Variants in ANGPT1 observed in about 807,000 individuals in gnomAD.
ANGPT1 encodes angiopoietin 1, also known as angiopoietin-1.
In ANGPT1, 17 loss-of-function variants were observed where a neutral mutation model predicts 62.2. The observed-to-expected ratio is 0.27, with a 90% CI of 0.19 to 0.41. The LOEUF (loss-of-function observed/expected upper bound fraction) is 0.41, where lower values mean the gene tolerates loss of function less well. Among genes scored for constraint, ANGPT1 ranks in the 10% least tolerant of loss-of-function variants. The pLI, the probability that ANGPT1 is intolerant of heterozygous loss-of-function variation, is 1.00. For missense variants in ANGPT1, 478 were observed against 594.9 expected (o/e 0.80, Z 2.04); for synonymous variants, 199 against 198.9 (o/e 1.00, Z 0.00).
intron 1 of ANGPT1, among the ~76,000 whole-genome samples, chr8:107,374,240 A>T (rs946032488): frequency 1.3e-5 from 2 of 152,214 alleles, no homozygotes; most frequent in Non-Finnish European, 2.9e-5. Flanking sequence ...GGAGACCAGA[A>T]GAGCCAACTG....
chr8:107,278,101 G>C (rs1410450973), intron 7 of ANGPT1, among the ~76,000 whole-genome samples: 1 of 150,122 alleles, frequency 6.7e-6, no homozygotes, highest in African/African-American at 2.5e-5. Flanking sequence ...TTAAAGACAG[G>C]GTCATGTTTT....
chr8:107,369,361 G>T (rs1242579932), intron 1 of ANGPT1, among the ~76,000 whole-genome samples: 1 of 152,186 alleles, frequency 6.6e-6, no homozygotes, highest in Non-Finnish European at 1.5e-5. Context: ...TTAAGGTAAT[G>T]TCGTGGCTGG....
chr8:107,354,799 A>C (rs1816006343), intron 1 of ANGPT1, among the ~76,000 whole-genome samples: 1 of 152,058 alleles, frequency 6.6e-6, no homozygotes, highest in South Asian at 2.1e-4. Flanking sequence ...TCTGTCTTTA[A>C]TTTTTATCAC....
At chr8:107,265,201 C>A (rs1813584584) in intron 7 of ANGPT1, among the ~76,000 whole-genome samples, 1 of 152,050 alleles carries the variant, frequency 6.6e-6, no homozygotes, top group South Asian at 2.1e-4. Flanking sequence ...TATAACAAAT[C>A]ATCTGATCTT....
In ANGPT1 at chr8:107,423,827, CTTTTTTTTTTTTTTTTTTT is replaced by C. The variant is rs869079818; in HGVS notation, c.297+73416_297+73434del. On this transcript the variant is annotated intron_variant, in intron 1 of 8. Coordinates refer to ENST00000517746, the MANE Select transcript of ANGPT1 (RefSeq NM_001146.5). ...TTCAGGTACCTTTTCCTTTTCCTTT[CTTTTTTTTTTTTTTTTTTT>C]TTTTTTTTTTCTGAGACAGAGTCTT... is the stretch of plus-strand genomic sequence containing the variant. 1.5e-4 allele frequency among the ~76,000 whole-genome samples: 11 copies of C among 74,472 alleles called. No individual in the cohort carries two copies. In the East Asian group the frequency reaches 3.7e-3, roughly 25 times the overall value. 48.9% of individuals were successfully genotyped at this position (74,472 alleles called of 152,430 possible).
chr8:107,370,594 T>G (rs1347397133), intron 1 of ANGPT1, among the ~76,000 whole-genome samples: 1 of 148,692 alleles, frequency 6.7e-6, no homozygotes, highest in Non-Finnish European at 1.5e-5. Flanking sequence ...TCCCAGCTAC[T>G]CAGGAGGCTG....
At chr8:107,445,112 A>C (rs1424657927) in intron 1 of ANGPT1, among the ~76,000 whole-genome samples, 1 of 152,176 alleles carries the variant, frequency 6.6e-6, no homozygotes, top group Non-Finnish European at 1.5e-5. Flanking sequence ...CTCTCTGCAC[A>C]TGCTGCCTAT....
At chr8:107,312,836 G>A (rs41420946) in intron 4 of ANGPT1, among the ~76,000 whole-genome samples, 21,850 of 152,006 alleles carry the variant, frequency 0.14, 1,960 homozygotes, top group Non-Finnish European at 0.19. Context: ...GAGATGTCAT[G>A]ATTCCTGCTC....
chr8:107,322,746 T>C, intron 3 of ANGPT1: 1 of 334,182 alleles, frequency 3.0e-6, no homozygotes, highest in Non-Finnish European at 5.8e-6. Flanking sequence ...AAAATATTTT[T>C]AATCATTTTA....
chr8:107,445,390 G>A (rs1321624654), intron 1 of ANGPT1, among the ~76,000 whole-genome samples: 1 of 152,142 alleles, frequency 6.6e-6, no homozygotes, highest in Non-Finnish European at 1.5e-5. Context: ...TTGTCCCTTG[G>A]AAATGCTCCT....
At chr8:107,389,763 A>G (rs1282371460) in intron 1 of ANGPT1, among the ~76,000 whole-genome samples, 2 of 152,160 alleles carry the variant, frequency 1.3e-5, no homozygotes. Context: ...AGGGACATAT[A>G]TATGTATAGC....
chr8:107,363,154 T>A (rs1370551662), intron 1 of ANGPT1, among the ~76,000 whole-genome samples: 1 of 151,388 alleles, frequency 6.6e-6, no homozygotes, highest in African/African-American at 2.4e-5. Flanking sequence ...TTCTGTGAGA[T>A]AAATATTTCT....
chr8:107,370,403 A>AGGAAG (rs142911224), intron 1 of ANGPT1, among the ~76,000 whole-genome samples: 2 of 46,602 alleles, frequency 4.3e-5, no homozygotes, highest in East Asian at 6.4e-4. Context: ...AAAGAAAGAA[A>AGGAAG]GAAAGAGTCA....
rs1816143531 is a variant in ANGPT1, at chr8:107,360,691, T to TG, written c.298-13595dup. Among the ~76,000 whole-genome samples, 4 of 152,168 alleles carry TG rather than the reference T, an allele frequency of 2.6e-5. No homozygotes were observed. In the South Asian group the frequency reaches 8.3e-4, roughly 32 times the overall value. On this transcript the variant is annotated intron_variant, in intron 1 of 8. Transcript: ENST00000517746. ...TTAAGGTCAGTTGCCCAGATCCTAA[T>TG]GGCATTTGAGTTGCCATCATTAAGC...
rs561594371 is a variant in ANGPT1, at chr8:107,254,051, G to T, written c.1337-2036C>A. On this transcript the variant is annotated intron_variant, in intron 8 of 8. Coordinates refer to ENST00000517746, the MANE Select transcript of ANGPT1 (RefSeq NM_001146.5). The stretch of plus-strand genomic sequence containing the variant: ...ATCCTAAAAACAATGGAAAGCCATG[G>T]TTTGTATATTGGCCCATCTCCTGTA... Among the ~76,000 whole-genome samples the T allele has an allele frequency of 7.2e-5, 11 of 152,266 alleles. No homozygotes were observed. In the South Asian group the frequency reaches 2.3e-3, roughly 32 times the overall value.
intron 1 of ANGPT1, among the ~76,000 whole-genome samples, chr8:107,456,293 A>G (rs1375203761): frequency 6.6e-6 from 1 of 152,080 alleles, no homozygotes; most frequent in East Asian, 1.9e-4. Flanking sequence ...TCTTTTCTGT[A>G]GCAACAACAT....
chr8:107,442,252 A>G (rs1384524566), intron 1 of ANGPT1, among the ~76,000 whole-genome samples: 2 of 152,232 alleles, frequency 1.3e-5, no homozygotes, highest in East Asian at 1.9e-4. Flanking sequence ...AAATACTTCT[A>G]TTGAATATCT....
chr8:107,433,897 A>G (rs1053041216), intron 1 of ANGPT1, among the ~76,000 whole-genome samples: 2 of 152,190 alleles, frequency 1.3e-5, no homozygotes, highest in African/African-American at 4.8e-5. Flanking sequence ...AGATTCCCTC[A>G]CCCACACACA....
At chr8:107,397,675 T>C (rs1816962903) in intron 1 of ANGPT1, among the ~76,000 whole-genome samples, 1 of 152,124 alleles carries the variant, frequency 6.6e-6, no homozygotes, top group East Asian at 1.9e-4. Flanking sequence ...AAAAGAACCA[T>C]TTGGGTCTCA....
Sources: allele counts gnomAD v4.1 joint callset (sites outside exome capture counted in the v4.1 genomes callset), GRCh38; gene constraint gnomAD v4.1.1; transcripts MANE v1.5; gene names NCBI Gene and HGNC (gene_info 2026-07-23, HGNC 2026-07-21).